Variants in INPP5D observed in about 807,000 individuals in gnomAD.
The protein encoded by INPP5D is phosphatidylinositol 3,4,5-trisphosphate 5-phosphatase 1.
In INPP5D, 33 loss-of-function variants were observed where a neutral mutation model predicts 122.9. The ratio of observed to expected loss-of-function variants is 0.27; its 90% CI spans 0.20 to 0.36. INPP5D has a LOEUF of 0.36. INPP5D is among the 10% of genes least tolerant of loss of function. INPP5D has a pLI of 1.00. For missense variants in INPP5D, 1,053 were observed against 1,412.7 expected, an observed-to-expected ratio of 0.75 and a Z score of 4.08; for synonymous variants, 584 against 576.2, an observed-to-expected ratio of 1.01 and a Z score of -0.19.
Position 233,163,811 on chromosome 2 carries a change from A to T in INPP5D, c.1345A>T (p.Ile449Phe), listed in dbSNP as rs1694254205. Residue 449 changes from isoleucine (I) to phenylalanine (F), a missense_variant, in exon 12 of 27, where the codon ATC becomes TTC. Coordinates refer to ENST00000445964, the MANE Select transcript of INPP5D (RefSeq NM_001017915.3). ...ADYIPHDIYVIGTQEDPLSEK... is the reference protein window; with the variant it reads ...ADYIPHDIYVFGTQEDPLSEK... ...CTACATCCCCCATGACATTTACGTG[A>T]TCGGCACCCAAGAGGACCCCCTGAG... 9.9e-6 allele frequency: 16 copies of T among 1,613,888 alleles called. No individual in the cohort carries two copies. The highest frequency in any genetic ancestry group is 1.4e-5 in the Non-Finnish European group (16 of 1,179,868).
At chr2:233,129,306 G>A (rs187479760) in intron 4 of INPP5D, among the ~76,000 whole-genome samples, 17 of 152,330 alleles carry the variant, frequency 1.1e-4, no homozygotes, top group Admixed American at 5.9e-4. Flanking sequence ...AAATTGATTT[G>A]TGGGTTAATG....
chr2:233,185,700 C>A, intron 20 of INPP5D, 143 bp from the exon 21 acceptor site: 2 of 1,034,682 alleles, frequency 1.9e-6, no homozygotes, highest in Non-Finnish European at 2.5e-6. Flanking sequence ...CTAAATGATG[C>A]TGAGGCCCCG....
At chr2:233,140,318 A>AC (rs1318665148) in intron 6 of INPP5D, 128 of 154,434 alleles carry the variant, frequency 8.3e-4, no homozygotes, top group African/African-American at 2.9e-3. Context: ...GTGCCCCCCA[A>AC]CCCCCGCACC....
chr2:233,142,338 C>G (rs961450110), intron 6 of INPP5D, among the ~76,000 whole-genome samples: 1 of 152,148 alleles, frequency 6.6e-6, no homozygotes, highest in Non-Finnish European at 1.5e-5. Flanking sequence ...GAGGAAAGAA[C>G]GTTGGTCCAT....
At position 233,133,509 on chromosome 2, in the gene INPP5D, C is replaced by A. The variant is rs565352207; in HGVS notation, c.665+2861C>A. Reference sequence around the variant, plus strand: ...GCTGGTGTAACATGTAAAAGCTGGTCAACAAGTAAAAGCACAGGCTGCCCA... The same window carrying A: ...GCTGGTGTAACATGTAAAAGCTGGTAAACAAGTAAAAGCACAGGCTGCCCA... On this transcript the variant is annotated intron_variant, in intron 5 of 26. Coordinates refer to ENST00000445964, the MANE Select transcript of INPP5D (RefSeq NM_001017915.3). Among the ~76,000 whole-genome samples, 10 of 152,272 alleles carry A rather than the reference C, an allele frequency of 6.6e-5. No individual in the cohort carries two copies. In the South Asian group the frequency reaches 2.1e-3, roughly 32 times the overall value.
Position 233,170,230 on chromosome 2 carries a change from T to A in INPP5D, c.1791+66T>A. Reference sequence around the variant, plus strand: ...AGATGGAGGCTCCCTTGAGTCAGCTTGGGGCAGGTGGTCGTGGAGACATGT... The same window carrying A: ...AGATGGAGGCTCCCTTGAGTCAGCTAGGGGCAGGTGGTCGTGGAGACATGT... On this transcript the variant is annotated intron_variant, in intron 15 of 26. Transcript: ENST00000445964. The surrounding 1 kb of genome is among the most constrained non-coding windows in gnomAD (Gnocchi z 4.5). The A allele has an allele frequency of 6.4e-7, 1 of 1,573,496 alleles. No individual in the cohort carries two copies. The highest frequency in any genetic ancestry group is 1.9e-5 in the Admixed American group (1 of 52,548).
chr2:233,085,574 A>G (rs1009033151), intron 2 of INPP5D, among the ~76,000 whole-genome samples: 2 of 151,748 alleles, frequency 1.3e-5, no homozygotes, highest in Admixed American at 6.6e-5. Flanking sequence ...CGGCTTGTTC[A>G]CTTTGCAAAC....
intron 13 of INPP5D, among the ~76,000 whole-genome samples, chr2:233,166,751 G>C (rs1207988741): frequency 2.0e-5 from 3 of 152,190 alleles, no homozygotes; most frequent in Non-Finnish European, 4.4e-5. Context: ...TTGGAAGGCC[G>C]AGGCCGGTGG....
chr2:233,121,117 CTTTCTTTTT>C (rs1692958632), intron 2 of INPP5D, among the ~76,000 whole-genome samples: 1 of 128,582 alleles, frequency 7.8e-6, no homozygotes, highest in Non-Finnish European at 1.6e-5. Context: ...TTCTTTCTTT[CTTTCTTTTT>C]TTTTTTTCTT....
chr2:233,188,881 G>A lies in INPP5D; in HGVS notation c.2359-969G>A, dbSNP rs1694984150. 6.6e-6 allele frequency among the ~76,000 whole-genome samples: 1 copy of A among 152,140 alleles called. No homozygotes were observed. The highest frequency in any genetic ancestry group is 6.5e-5 in the Admixed American group (1 of 15,278). On this transcript the variant is annotated intron_variant, in intron 21 of 26. Coordinates refer to ENST00000445964, the MANE Select transcript of INPP5D (RefSeq NM_001017915.3). The surrounding 1 kb of genome is among the most constrained non-coding windows in gnomAD (Gnocchi z 4.7). ...CCTGGCCTGGAACTTTCTGAATGGA[G>A]ATATAGTGAGTCTGCCCTGTTGGCC...
chr2:233,064,573 T>C (rs3935584), intron 1 of INPP5D, among the ~76,000 whole-genome samples: 77,643 of 152,130 alleles, frequency 0.51, 20,461 homozygotes, highest in East Asian at 0.91. Flanking sequence ...AAAGGAGGTC[T>C]TATTATCTCC....
intron 2 of INPP5D, among the ~76,000 whole-genome samples, chr2:233,099,793 T>G (rs1369533175): frequency 1.3e-5 from 2 of 152,210 alleles, no homozygotes; most frequent in East Asian, 3.9e-4. Context: ...GGGTGGGGCG[T>G]GTATTAGTCT....
intron 1 of INPP5D, among the ~76,000 whole-genome samples, chr2:233,079,112 C>T (rs1175938035): frequency 6.6e-6 from 1 of 152,148 alleles, no homozygotes; most frequent in African/African-American, 2.4e-5. Flanking sequence ...CCAACCTTTT[C>T]CTGGTGCTCC....
At chr2:233,196,265 T>G (rs1336754007) in intron 24 of INPP5D, among the ~76,000 whole-genome samples, 2 of 152,170 alleles carry the variant, frequency 1.3e-5, no homozygotes, top group Non-Finnish European at 2.9e-5. Context: ...TCTGCGAGTC[T>G]GTTGACCGCT....
At chr2:233,155,056 A>T (rs1694010970) in intron 9 of INPP5D, among the ~76,000 whole-genome samples, 1 of 152,208 alleles carries the variant, frequency 6.6e-6, no homozygotes, top group Non-Finnish European at 1.5e-5. Context: ...ATAAAAAGAA[A>T]TGGGCCTGTG....
chr2:233,092,289 G>C (rs1692013467), intron 2 of INPP5D, among the ~76,000 whole-genome samples: 1 of 152,218 alleles, frequency 6.6e-6, no homozygotes, highest in Non-Finnish European at 1.5e-5. Flanking sequence ...TCTGCCAGCT[G>C]TCACTTCTGT....
rs954165824 is a variant in INPP5D at position 233,082,530 on chromosome 2, T to C, written c.198+3132T>C. Among the ~76,000 whole-genome samples the C allele has an allele frequency of 3.9e-5, 6 of 152,088 alleles. No individual in the cohort carries two copies. The highest frequency in any genetic ancestry group is 1.4e-4 in the African/African-American group (6 of 41,418). On this transcript the variant is annotated intron_variant, in intron 2 of 26. Coordinates refer to ENST00000445964, the MANE Select transcript of INPP5D (RefSeq NM_001017915.3). The surrounding 1 kb of genome is among the most constrained non-coding windows in gnomAD (Gnocchi z 4.7). ...TTGCCAAGTGAAGCACCGAAAGGCT[T>C]TCATTGTTTCTTAGTTTAGTAACTT... is the stretch of plus-strand genomic sequence containing the variant.
At chr2:233,060,775 G>A (rs1413517260) in intron 1 of INPP5D, among the ~76,000 whole-genome samples, 163 bp downstream of exon 1, 1 of 152,212 alleles carries the variant, frequency 6.6e-6, no homozygotes, top group East Asian at 1.9e-4. Context: ...TCAGAGAGCT[G>A]GTCTCATGGC....
At chr2:233,167,395 G>A (rs903574254) in intron 13 of INPP5D, among the ~76,000 whole-genome samples, 1 of 150,384 alleles carries the variant, frequency 6.6e-6, no homozygotes, top group Non-Finnish European at 1.5e-5. Flanking sequence ...CAAACACTCG[G>A]GCAGGGACTC....
Sources: gnomAD v4.1 joint callset for allele counts (sites outside exome capture counted in the v4.1 genomes callset) on GRCh38, gnomAD v4.1.1 for gene constraint, Gnocchi (gnomAD v3.1) non-coding constraint, MANE v1.5 for transcripts, NCBI Gene and HGNC (gene_info 2026-07-23, HGNC 2026-07-21) for gene names.